The following CCDC154 variants were observed in gnomAD, a reference collection of about 807,000 sequenced individuals.
CCDC154 encodes coiled-coil domain containing 154, also known as coiled-coil domain-containing protein 154.
Under a neutral mutation model 87.5 loss-of-function variants are expected in CCDC154, and 91 were observed. The ratio of observed to expected loss-of-function variants is 1.04; its 90% CI spans 0.88 to 1.24. The LOEUF (loss-of-function observed/expected upper bound fraction) is 1.24, where lower values mean the gene tolerates loss of function less well. CCDC154 is among the 50% of genes most tolerant of loss of function. The pLI is 0.00. For missense variants in CCDC154, 903 were observed against 879.2 expected, an observed-to-expected ratio of 1.03 and a Z score of -0.34; for synonymous variants, 418 against 400.4, an observed-to-expected ratio of 1.04 and a Z score of -0.52.
In CCDC154 at chr16:1,441,387, G is replaced by C. The variant is rs544515309; in HGVS notation, c.675+1019C>G. On this transcript the variant is annotated intron_variant, in intron 6 of 16. Coordinates refer to ENST00000389176, the MANE Select transcript of CCDC154 (RefSeq NM_001143980.3). ...CCCGGCAGTCCTGGCCCCTCACCCA[G>C]CGTACTGCCTGATGCGCACGGGAGC... Among the ~76,000 whole-genome samples, 562 of 152,346 alleles carry C rather than the reference G, an allele frequency of 3.7e-3. 4 individuals carry two copies. Among genetic ancestry groups the C allele is most frequent in the African/African-American group, 0.013 (540 of 41,584 alleles).
chr16:1,437,993 C>A (rs527918221), intron 10 of CCDC154, 39 bp from the exon 11 acceptor site: 1 of 1,536,412 alleles, frequency 6.5e-7, no homozygotes, highest in Non-Finnish European at 8.8e-7. Context: ...CCTGGCTGAG[C>A]GCCCATCCCG....
At chr16:1,434,932 G>C in intron 15 of CCDC154, 80 bp from the exon 16 acceptor site, 5 of 1,440,064 alleles carry the variant, frequency 3.5e-6, no homozygotes, top group Non-Finnish European at 4.6e-6. Flanking sequence ...ATCTCCCACC[G>C]GGAGCCTGGA....
chr16:1,438,177 C>T lies in CCDC154; in HGVS notation c.1026-1G>A, dbSNP rs2038519474. On this transcript the variant is annotated splice_acceptor_variant, in intron 9 of 16. Transcript: ENST00000389176. LOFTEE classifies it high-confidence loss of function. ...TTCCTCCAAGCGCCCCTTGGCGTCC[C>T]TAGGGGTTGGGGACACATAGACACC... 2 of 1,537,178 alleles carry T rather than the reference C, an allele frequency of 1.3e-6. No individual in the cohort carries two copies. Among genetic ancestry groups the T allele is most frequent in the Non-Finnish European group, 1.8e-6 (2 of 1,140,142 alleles).
At chr16:1,441,364 C>T (rs952802205) in intron 6 of CCDC154, among the ~76,000 whole-genome samples, 3 of 152,210 alleles carry the variant, frequency 2.0e-5, no homozygotes, top group South Asian at 2.1e-4. Context: ...CTGGGTGCCC[C>T]GGCAGTCCTG....
intron 6 of CCDC154, among the ~76,000 whole-genome samples, chr16:1,440,331 T>C (rs1156765280): frequency 2.0e-5 from 3 of 151,348 alleles, no homozygotes; most frequent in African/African-American, 7.3e-5. Flanking sequence ...GTGCCTGTAG[T>C]CCCAGCTCCT....
intron 6 of CCDC154, 28 bp downstream of exon 6, chr16:1,442,377 GC>G (rs1596205548): frequency 3.3e-6 from 5 of 1,528,622 alleles, no homozygotes; most frequent in East Asian, 2.5e-5. Context: ...CCTCTGGGCG[GC>G]CCCCCTGAAG....
At chr16:1,434,563 G>A (rs1186811510) in intron 16 of CCDC154, 29 bp from the exon 17 acceptor site, 3 of 1,519,228 alleles carry the variant, frequency 2.0e-6, no homozygotes, top group East Asian at 2.5e-5. Context: ...CATGGCCCCT[G>A]CACCCCCGCC....
chr16:1,439,292 G>A, intron 6 of CCDC154, 166 bp from the exon 7 acceptor site: 2 of 638,822 alleles, frequency 3.1e-6, no homozygotes, highest in Non-Finnish European at 5.5e-6. Context: ...GCCACGGCGG[G>A]CAGGACCACT....
intron 3 of CCDC154, 54 bp from the exon 4 acceptor site, chr16:1,443,355 T>C (rs1419126974): frequency 1.3e-6 from 2 of 1,526,528 alleles, no homozygotes; most frequent in Admixed American, 2.2e-5. Flanking sequence ...GTCTGGCACC[T>C]GCCCCTGGAG....
intron 6 of CCDC154, among the ~76,000 whole-genome samples, chr16:1,441,574 C>T (rs922824954): frequency 1.1e-4 from 16 of 152,180 alleles, no homozygotes; most frequent in Non-Finnish European, 1.8e-4. Flanking sequence ...TCTAGGAACT[C>T]GTGTCCTCGA....
chr16:1,434,591 C>T, intron 16 of CCDC154, 57 bp from the exon 17 acceptor site: 2 of 1,518,428 alleles, frequency 1.3e-6, no homozygotes, highest in South Asian at 2.4e-5. Context: ...CCATGGCCCA[C>T]CTGCTGCCTG....
intron 15 of CCDC154, 72 bp from the exon 16 acceptor site, chr16:1,434,924 C>G: frequency 6.9e-7 from 1 of 1,446,226 alleles, no homozygotes; most frequent in Non-Finnish European, 9.1e-7. Context: ...GGGGGCTTAT[C>G]TCCCACCGGG....
chr16:1,444,295 C>T (rs761113236), intron 1 of CCDC154, 21 bp downstream of exon 1: 2 of 1,302,054 alleles, frequency 1.5e-6, no homozygotes, highest in South Asian at 2.5e-5. Context: ...TCCCTGGGCC[C>T]CGCTCCTCCG....
At chr16:1,439,960 C>T (rs1046395336) in intron 6 of CCDC154, among the ~76,000 whole-genome samples, 3 of 151,604 alleles carry the variant, frequency 2.0e-5, no homozygotes, top group African/African-American at 7.3e-5. Flanking sequence ...ACCAGCCTGG[C>T]CAACATGGTG....
intron 3 of CCDC154, 75 bp from the exon 4 acceptor site, chr16:1,443,376 T>C (rs2038574828): frequency 1.3e-6 from 2 of 1,497,284 alleles, no homozygotes; most frequent in Non-Finnish European, 1.8e-6. Flanking sequence ...TCCACCCAGC[T>C]CCGGCACCAC....
rs1280190790 is a variant in CCDC154 at position 1,443,629 on chromosome 16, C to A, written c.291G>T (p.Thr97=). ...GGAGCAGCTCCCGCAGCAGGCTCCG[C>A]GTGGCGCGCTCACAGCGCTGCTTGT... The part of the protein sequence containing the change: ...REHKQRCERA[T]RSLLRELLQV... Residue 97 remains threonine, a synonymous_variant, in exon 3 of 17, where the codon ACG becomes ACT. Transcript: ENST00000389176. 3 of 1,385,942 alleles carry A rather than the reference C, an allele frequency of 2.2e-6. No homozygotes were observed. The highest frequency in any genetic ancestry group is 2.8e-6 in the Non-Finnish European group (3 of 1,057,268). 85.9% of individuals were successfully genotyped at this position (1,385,942 alleles called of 1,614,324 possible). A position where few individuals can be genotyped will look rare whatever the true frequency, so the allele number is the denominator to read the frequency against.
Position 1,441,629 on chromosome 16 carries a change from G to T in CCDC154, c.675+777C>A, listed in dbSNP as rs376804710. Among the ~76,000 whole-genome samples, 8 of 152,332 alleles carry T rather than the reference G, an allele frequency of 5.3e-5. No individual in the cohort carries two copies. In the East Asian group the frequency reaches 1.2e-3, roughly 22 times the overall value. On this transcript the variant is annotated intron_variant, in intron 6 of 16. Coordinates refer to ENST00000389176, the MANE Select transcript of CCDC154 (RefSeq NM_001143980.3). ...GTGTGCAGGGAAAGGTGGAGCCCGA[G>T]AGTGGCCGTGGAAGGGGCTTCGGGG...
At chr16:1,437,707 G>C (rs1009300320) in intron 11 of CCDC154, 110 bp downstream of exon 11, 293 of 1,320,490 alleles carry the variant, frequency 2.2e-4, no homozygotes, top group Middle Eastern at 2.7e-4. Flanking sequence ...GGGACGGGAG[G>C]CTTGGGACCG....
chr16:1,441,980 G>A (rs937656311), intron 6 of CCDC154, among the ~76,000 whole-genome samples: 9 of 152,108 alleles, frequency 5.9e-5, no homozygotes, highest in African/African-American at 1.9e-4. Flanking sequence ...GGAGTGGCGC[G>A]ATCTCAGCTC....
Sources: gnomAD v4.1 joint callset for allele counts (sites outside exome capture counted in the v4.1 genomes callset) on GRCh38, gnomAD v4.1.1 for gene constraint, MANE v1.5 for transcripts, NCBI Gene and HGNC (gene_info 2026-07-23, HGNC 2026-07-21) for gene names.